The following ENTPD7 variants were observed in gnomAD, a reference collection of about 807,000 sequenced individuals.
The protein encoded by ENTPD7 is ectonucleoside triphosphate diphosphohydrolase 7, also known as NTPDase 7.
ENTPD7 carries 53 observed loss-of-function variants against 77.9 expected under a neutral mutation model. The observed-to-expected ratio is 0.68, with a 90% CI of 0.55 to 0.85. ENTPD7 has a LOEUF of 0.85. ENTPD7 is among the 40% of genes least tolerant of loss of function. The probability of loss-of-function intolerance (pLI) is 0.00; values close to 1 mark genes in which losing one functional copy is unlikely to be tolerated. For synonymous variants in ENTPD7, 248 were observed against 274.9 expected (o/e 0.90, Z 0.97); for missense variants, 636 against 743.7 (o/e 0.86, Z 1.68).
chr10:99,700,394 GTGTGTGTGTGTGTGTGTGTA>G (rs56356516), intron 10 of ENTPD7, among the ~76,000 whole-genome samples: 69,881 of 127,954 alleles, frequency 0.55, 16,341 homozygotes, highest in African/African-American at 0.58. Flanking sequence ...CCAACGTACC[GTGTGTGTGTGTGTGTGTGTA>G]TGTGTGTGTG....
intron 3 of ENTPD7, among the ~76,000 whole-genome samples, chr10:99,672,151 T>G (rs1287988289): frequency 6.6e-6 from 1 of 152,040 alleles, no homozygotes; most frequent in Non-Finnish European, 1.5e-5. Flanking sequence ...CTGGCTAAAT[T>G]TCTTTTTTTA....
Position 99,661,450 on chromosome 10 carries a change from A to C in ENTPD7, c.13A>C (p.Ser5Arg), listed in dbSNP as rs772305050. 6.3e-7 allele frequency: 1 copy of C among 1,591,924 alleles called. No individual in the cohort carries two copies. The highest frequency in any genetic ancestry group is 2.3e-5 in the East Asian group (1 of 44,174). Residue 5 changes from serine to arginine, a missense_variant, in exon 3 of 13, where the codon AGT (serine) becomes CGT (arginine). Coordinates refer to ENST00000370489, the MANE Select transcript of ENTPD7 (RefSeq NM_020354.5). Reference sequence around the variant, plus strand: ...CTAATGTTTGTCTAATTTCAGGATCAGTTTTTCCTACCTCTGCCCAGCCTC... The same window carrying C: ...CTAATGTTTGTCTAATTTCAGGATCCGTTTTTCCTACCTCTGCCCAGCCTC... MARI[S>R]FSYLCPASWY...
intron 3 of ENTPD7, among the ~76,000 whole-genome samples, chr10:99,668,266 A>T (rs2035576489): frequency 1.3e-5 from 2 of 152,058 alleles, no homozygotes; most frequent in Admixed American, 1.3e-4. Context: ...GAGGTTTTCA[A>T]CCTTTGTGTA....
chr10:99,695,102 A>C (rs532009720), intron 8 of ENTPD7, among the ~76,000 whole-genome samples: 48 of 152,322 alleles, frequency 3.2e-4, no homozygotes, highest in Middle Eastern at 3.4e-3. Flanking sequence ...GAATATGATT[A>C]ATTCAGCCTC....
rs1420526738 is a variant in ENTPD7 at position 99,685,906 on chromosome 10, T to G, written c.652+11T>G. 6.3e-7 allele frequency: 1 copy of G among 1,594,612 alleles called. No homozygotes were observed. The highest frequency in any genetic ancestry group is 8.6e-7 in the Non-Finnish European group (1 of 1,163,640). Reference sequence around the variant, plus strand: ...CTGGGAAGCAGGAAGGTACTGGGCCTTAAGGGGTGCAGCTGGTTAACCTCT... The same window carrying G: ...CTGGGAAGCAGGAAGGTACTGGGCCGTAAGGGGTGCAGCTGGTTAACCTCT... On this transcript the variant is annotated intron_variant, in intron 6 of 12. Transcript: ENST00000370489.
chr10:99,691,266 A>C (rs764259944), intron 7 of ENTPD7, 119 bp from the exon 8 acceptor site: 2 of 1,067,222 alleles, frequency 1.9e-6, no homozygotes, highest in Non-Finnish European at 2.7e-6. Context: ...TTTTGGGATT[A>C]CAGGTGTGAG....
chr10:99,669,115 C>G (rs1047421580), intron 3 of ENTPD7, among the ~76,000 whole-genome samples: 1 of 150,244 alleles, frequency 6.7e-6, no homozygotes, highest in Non-Finnish European at 1.5e-5. Context: ...TAGGCTCAAG[C>G]AATCCACCTG....
At chr10:99,680,819 C>T (rs756726012) in intron 5 of ENTPD7, among the ~76,000 whole-genome samples, 7 of 152,124 alleles carry the variant, frequency 4.6e-5, no homozygotes, top group Admixed American at 6.6e-5. Context: ...TCAAGTGATC[C>T]GCTTGCCTCA....
Position 99,659,759 on chromosome 10 carries a change from A to G in ENTPD7, c.-95-103A>G. On this transcript the variant is annotated intron_variant, in intron 1 of 12. Transcript: ENST00000370489. This position sits in a 1 kb window ranked among gnomAD's most constrained non-coding sequence, Gnocchi z 4.1. ...TCCCCTGGGCCTGAGGAACCAGAGC[A>G]GACGGAGCGGGAGCCTGGGGAGGAG... 1.5e-6 allele frequency: 1 copy of G among 668,258 alleles called. No homozygotes were observed. Among genetic ancestry groups the G allele is most frequent in the East Asian group, 3.0e-5 (1 of 33,550 alleles). 41.4% of individuals were successfully genotyped at this position (668,258 alleles called of 1,614,324 possible).
chr10:99,679,918 A>G (rs2035731170), intron 5 of ENTPD7, 43 bp downstream of exon 5: 6 of 1,581,604 alleles, frequency 3.8e-6, no homozygotes, highest in Non-Finnish European at 5.1e-6. Context: ...CGGTGGCACA[A>G]GAGATGAAAG....
chr10:99,679,951 T>G, intron 5 of ENTPD7, 76 bp downstream of exon 5: 1 of 1,514,018 alleles, frequency 6.6e-7, no homozygotes, highest in Non-Finnish European at 8.8e-7. Context: ...CACTGTCCTC[T>G]GTGGTTCCCT....
intron 9 of ENTPD7, among the ~76,000 whole-genome samples, chr10:99,698,333 C>T (rs138834800): frequency 2.6e-5 from 4 of 152,270 alleles, no homozygotes; most frequent in African/African-American, 9.6e-5. Flanking sequence ...CAGAATTGAT[C>T]ACCATATTCC....
chr10:99,691,511 C>T lies in ENTPD7; in HGVS notation c.836C>T (p.Ala279Val), dbSNP rs772845848. The T allele has an allele frequency of 6.2e-7, 1 of 1,613,432 alleles. No homozygotes were observed. Among genetic ancestry groups the T allele is most frequent in the Admixed American group, 1.7e-5 (1 of 59,886 alleles). ...CCTACCTCAACCTCTGTCCTTCCTG[C>T]AAAGCAGGTACTTTACCTTTTAGGG... ...EVPTSTSVLP[A>V]KQEEAAKILL... Residue 279 changes from alanine (A) to valine (V), a missense_variant, in exon 8 of 13, where the codon GCA becomes GTA. This residue lies in a region of ENTPD7 where 486 missense variants were observed against 556.5 expected (regional missense o/e 0.87). Coordinates refer to ENST00000370489, the MANE Select transcript of ENTPD7 (RefSeq NM_020354.5).
intron 2 of ENTPD7, 105 bp from the exon 3 acceptor site, chr10:99,661,341 A>G: frequency 1.1e-6 from 1 of 931,522 alleles, no homozygotes. Flanking sequence ...TTCTGTTGGC[A>G]TGGATTTTTG....
intron 3 of ENTPD7, among the ~76,000 whole-genome samples, chr10:99,676,298 C>G (rs1265006450): frequency 6.6e-6 from 1 of 151,366 alleles, no homozygotes; most frequent in Non-Finnish European, 1.5e-5. Context: ...GTTTTATTTT[C>G]TAATATAGTA....
chr10:99,685,644 G>C, intron 5 of ENTPD7, 148 bp from the exon 6 acceptor site: 1 of 596,550 alleles, frequency 1.7e-6, no homozygotes, highest in Non-Finnish European at 3.0e-6. Context: ...AAAATCAAAG[G>C]CGGTACCAAA....
chr10:99,686,204 A>G (rs1193405589), intron 6 of ENTPD7, among the ~76,000 whole-genome samples: 1 of 152,146 alleles, frequency 6.6e-6, no homozygotes, highest in Admixed American at 6.5e-5. Flanking sequence ...TTTTGAAAAC[A>G]TATATAGTTC....
rs12258121 is a variant in ENTPD7 at position 99,688,224 on chromosome 10, G to T, written c.653-470G>T. Among the ~76,000 whole-genome samples the T allele has an allele frequency of 3.2e-3, 483 of 152,124 alleles. 3 individuals carry two copies. The highest frequency in any genetic ancestry group is 0.011 in the African/African-American group (461 of 41,504). On this transcript the variant is annotated intron_variant, in intron 6 of 12. Coordinates refer to ENST00000370489, the MANE Select transcript of ENTPD7 (RefSeq NM_020354.5). The stretch of plus-strand genomic sequence containing the variant: ...TCTAGACCAGGTAATATCTGAGGGG[G>T]AAAAAATGGGACACTCACTACTGGC...
At chr10:99,680,114 T>A (rs2035734567) in intron 5 of ENTPD7, among the ~76,000 whole-genome samples, 1 of 152,158 alleles carries the variant, frequency 6.6e-6, no homozygotes, top group Non-Finnish European at 1.5e-5. Context: ...TAGATTTGGA[T>A]CATCGGGCAC....
Sources: gnomAD v4.1 joint callset for allele counts (sites outside exome capture counted in the v4.1 genomes callset) on GRCh38, gnomAD v4.1.1 for gene constraint, gnomAD v4.1.1 regional missense constraint, Gnocchi (gnomAD v3.1) non-coding constraint, MANE v1.5 for transcripts, NCBI Gene and HGNC (gene_info 2026-07-23, HGNC 2026-07-21) for gene names.